LEPR: variants seen among roughly 807,000 people sequenced by gnomAD.
LEPR encodes OB receptor.
A neutral mutation model predicts 114.7 loss-of-function variants in LEPR; 56 were observed. That is an observed-to-expected ratio of 0.49 (90% CI 0.39 to 0.61). LEPR has a LOEUF of 0.61. LEPR is among the 20% of genes least tolerant of loss of function. LEPR has a pLI of 0.00. For missense variants in LEPR, 1,202 were observed against 1,352.9 expected, an observed-to-expected ratio of 0.89 and a Z score of 1.75; for synonymous variants, 443 against 461.4, an observed-to-expected ratio of 0.96 and a Z score of 0.51.
chr1:65,548,227 A>G (rs1474433853), intron 2 of LEPR, among the ~76,000 whole-genome samples: 2 of 152,092 alleles, frequency 1.3e-5, no homozygotes, highest in African/African-American at 2.4e-5. Context: ...TTTACTTCCA[A>G]CCATGTGGTC....
At chr1:65,591,016 C>A (rs1204537420) in intron 5 of LEPR, among the ~76,000 whole-genome samples, 2 of 151,912 alleles carry the variant, frequency 1.3e-5, no homozygotes, top group Non-Finnish European at 2.9e-5. Flanking sequence ...TTGCTGTAAG[C>A]AATATCCTAC....
rs1656724477 is a variant in LEPR at position 65,605,047 on chromosome 1, T to A, written c.1413T>A (p.Leu471=). The change falls in exon 11 of 20, where the codon CTT becomes CTA. Residue 471 remains leucine (L), a synonymous_variant. Transcript: ENST00000349533. ...TLQLRYHRSS[L]YCSDIPSIHP... is the part of the protein sequence containing the mutation. ...TTTGTATCTTTTAAAGGAGCAGCCTTTACTGTTCTGATATTCCATCTATTC... is the reference window on the plus strand; with the variant it reads ...TTTGTATCTTTTAAAGGAGCAGCCTATACTGTTCTGATATTCCATCTATTC... 4 of 1,613,096 alleles carry A rather than the reference T, an allele frequency of 2.5e-6. No individual in the cohort carries two copies. Among genetic ancestry groups the A allele is most frequent in the Non-Finnish European group, 3.4e-6 (4 of 1,180,022 alleles).
At chr1:65,614,596 G>A (rs1657410996) in intron 14 of LEPR, among the ~76,000 whole-genome samples, 1 of 152,200 alleles carries the variant, frequency 6.6e-6, no homozygotes, top group Non-Finnish European at 1.5e-5. Flanking sequence ...TCTGGAAGGG[G>A]ACAAGCAAGT....
chr1:65,512,261 C>T (rs994734074), intron 2 of LEPR, among the ~76,000 whole-genome samples: 5 of 152,146 alleles, frequency 3.3e-5, no homozygotes, highest in African/African-American at 9.7e-5. Context: ...AAACTGCCCC[C>T]ATGATCCAAT....
chr1:65,428,304 A>G (rs1646419765), intron 2 of LEPR, among the ~76,000 whole-genome samples: 2 of 152,216 alleles, frequency 1.3e-5, no homozygotes, highest in Non-Finnish European at 2.9e-5. Context: ...TGTTTTTCAC[A>G]AAACTGTCAC....
chr1:65,553,521 G>T (rs530639654), intron 2 of LEPR, among the ~76,000 whole-genome samples: 1 of 151,882 alleles, frequency 6.6e-6, no homozygotes, highest in African/African-American at 2.4e-5. Flanking sequence ...ATTGATACCT[G>T]TGTATGCTTT....
intron 19 of LEPR, among the ~76,000 whole-genome samples, chr1:65,623,801 C>G (rs1244576057): frequency 1.1e-4 from 16 of 152,132 alleles, no homozygotes; most frequent in Non-Finnish European, 7.4e-5. Flanking sequence ...ATTAATAGTA[C>G]TCAAGGACCT....
intron 2 of LEPR, among the ~76,000 whole-genome samples, chr1:65,496,507 G>A (rs1648166660): frequency 6.6e-6 from 1 of 152,134 alleles, no homozygotes; most frequent in Non-Finnish European, 1.5e-5. Flanking sequence ...AGCTTGGGAG[G>A]TTGAGGCTGT....
chr1:65,583,058 T>C (rs531280824), intron 5 of LEPR, among the ~76,000 whole-genome samples: 1 of 152,172 alleles, frequency 6.6e-6, no homozygotes, highest in East Asian at 1.9e-4. Flanking sequence ...GAAATAATTA[T>C]TTTCAGACAT....
intron 2 of LEPR, among the ~76,000 whole-genome samples, chr1:65,437,925 T>C (rs1336634153): frequency 1.3e-5 from 2 of 151,768 alleles, no homozygotes; most frequent in East Asian, 2.0e-4. Flanking sequence ...CTCCCACTTC[T>C]ACCTCCTGAG....
intron 2 of LEPR, among the ~76,000 whole-genome samples, chr1:65,495,715 C>G (rs1648120745): frequency 6.6e-6 from 1 of 152,068 alleles, no homozygotes; most frequent in South Asian, 2.1e-4. Flanking sequence ...GACTATTATT[C>G]AACCATAAAA....
At chr1:65,576,232 C>T (rs567484578) in intron 5 of LEPR, 105 of 164,864 alleles carry the variant, frequency 6.4e-4, no homozygotes, top group Non-Finnish European at 8.6e-4. Context: ...GTCCAGCTGA[C>T]GTCTGGTGTA....
chr1:65,567,919 CTCAAAG>C (rs1653889621), intron 3 of LEPR, among the ~76,000 whole-genome samples: 1 of 150,940 alleles, frequency 6.6e-6, no homozygotes, highest in South Asian at 2.1e-4. Flanking sequence ...ATCATTGTCA[CTCAAAG>C]TCCATAGTTT....
At chr1:65,608,579 C>T (rs1389334936) in intron 11 of LEPR, among the ~76,000 whole-genome samples, 174 bp from the exon 12 acceptor site, 1 of 152,010 alleles carries the variant, frequency 6.6e-6, no homozygotes, top group Admixed American at 6.5e-5. Flanking sequence ...AGAGATAAAT[C>T]CCTCTTTTAA....
chr1:65,570,726 C>T lies in LEPR; in HGVS notation c.294C>T (p.Asn98=), dbSNP rs764736673. ...GCTTTCGGAGTGAGCAAGATAGAAACTGCTCCTTATGTGCAGACAACATTG... is the reference window on the plus strand; with the variant it reads ...GCTTTCGGAGTGAGCAAGATAGAAATTGCTCCTTATGTGCAGACAACATTG... ...HCCFRSEQDR[N]CSLCADNIEG... is the part of the protein sequence containing the mutation. Residue 98 remains asparagine, a synonymous_variant, in exon 4 of 20, where the codon AAC becomes AAT. Transcript: ENST00000349533. 6.2e-7 allele frequency: 1 copy of T among 1,610,464 alleles called. No individual in the cohort carries two copies. The highest frequency in any genetic ancestry group is 8.5e-7 in the Non-Finnish European group (1 of 1,177,310).
intron 2 of LEPR, among the ~76,000 whole-genome samples, chr1:65,553,196 C>T (rs1652542222): frequency 6.6e-6 from 1 of 152,026 alleles, no homozygotes; most frequent in African/African-American, 2.4e-5. Context: ...TATATGTCTT[C>T]AGGTTGCTCT....
At chr1:65,485,955 C>T (rs575785981) in intron 2 of LEPR, among the ~76,000 whole-genome samples, 16 of 152,234 alleles carry the variant, frequency 1.1e-4, no homozygotes, top group Non-Finnish European at 1.2e-4. Flanking sequence ...CCCAAAGCTC[C>T]ATTTTGGAAT....
At chr1:65,454,139 A>G (rs1009851161) in intron 2 of LEPR, among the ~76,000 whole-genome samples, 3 of 151,076 alleles carry the variant, frequency 2.0e-5, no homozygotes, top group Non-Finnish European at 2.9e-5. Flanking sequence ...TGCTTGGTAG[A>G]TCTTCCTCCA....
intron 2 of LEPR, among the ~76,000 whole-genome samples, chr1:65,459,624 A>T (rs75903311): frequency 6.6e-6 from 1 of 152,218 alleles, no homozygotes; most frequent in South Asian, 2.1e-4. Context: ...TGTTCACAGG[A>T]TCCAGCTCTG....
Sources: allele counts gnomAD v4.1 joint callset (sites outside exome capture counted in the v4.1 genomes callset), GRCh38; gene constraint gnomAD v4.1.1; transcripts MANE v1.5; gene names NCBI Gene and HGNC (gene_info 2026-07-23, HGNC 2026-07-21).